Variants in PARP8 observed in about 807,000 individuals in gnomAD.
PARP8 encodes the protein poly(ADP-ribose) polymerase family member 8.
Under a neutral mutation model 124.1 loss-of-function variants are expected in PARP8, and 51 were observed. The observed-to-expected ratio is 0.41, with a 90% CI of 0.33 to 0.52. The LOEUF (loss-of-function observed/expected upper bound fraction) is 0.52, where lower values mean the gene tolerates loss of function less well. PARP8 is among the 20% of genes least tolerant of loss of function. The pLI is 0.21. For missense variants in PARP8, 860 were observed against 1,018.9 expected (o/e 0.84, Z 2.12); for synonymous variants, 391 against 361.5 (o/e 1.08, Z -0.93).
At chr5:50,833,865 CTT>C (rs76422748) in intron 23 of PARP8, 112 bp from the exon 24 acceptor site, 645 of 603,872 alleles carry the variant, frequency 1.1e-3, no homozygotes, top group Middle Eastern at 1.4e-3. Context: ...TCTAGATAGG[CTT>C]TTTTTTTTTG....
chr5:50,760,022 G>C (rs548494026), intron 4 of PARP8, among the ~76,000 whole-genome samples: 2 of 152,220 alleles, frequency 1.3e-5, no homozygotes, highest in South Asian at 4.1e-4. Context: ...CACACTTACA[G>C]CAATGAAGAC....
chr5:50,712,451 T>C (rs1259363547), intron 2 of PARP8, among the ~76,000 whole-genome samples: 1 of 152,178 alleles, frequency 6.6e-6, no homozygotes, highest in African/African-American at 2.4e-5. Flanking sequence ...CAACTTCATA[T>C]TGTTTTTGTG....
intron 2 of PARP8, among the ~76,000 whole-genome samples, chr5:50,733,108 T>C (rs1257868101): frequency 6.6e-6 from 1 of 151,466 alleles, no homozygotes; most frequent in Non-Finnish European, 1.5e-5. Context: ...TTGAGAACAG[T>C]CTGGCCAACA....
chr5:50,775,425 C>T (rs372567859), intron 7 of PARP8, among the ~76,000 whole-genome samples: 5 of 152,044 alleles, frequency 3.3e-5, no homozygotes, highest in East Asian at 1.9e-4. Flanking sequence ...CGTGGCGGCG[C>T]GTGCCTGTGA....
At chr5:50,747,154 G>GTTTTTTTTTTTTTTTTTT in intron 2 of PARP8, among the ~76,000 whole-genome samples, 1 of 121,918 alleles carries the variant, frequency 8.2e-6, no homozygotes, top group Non-Finnish European at 1.6e-5. Context: ...TTTTTTGTTT[G>GTTTTTTTTTTTTTTTTTT]TTTGTTTTGT....
intron 2 of PARP8, among the ~76,000 whole-genome samples, chr5:50,698,562 G>A (rs1463982534): frequency 3.3e-5 from 5 of 151,982 alleles, no homozygotes; most frequent in African/African-American, 9.7e-5. Context: ...AATCTCAGTG[G>A]AAATAGGATG....
At chr5:50,781,412 A>T (rs2149616731) in intron 9 of PARP8, among the ~76,000 whole-genome samples, 1 of 152,238 alleles carries the variant, frequency 6.6e-6, no homozygotes, top group East Asian at 1.9e-4. Flanking sequence ...GCAAGAGTTG[A>T]AATTGTTCTT....
At chr5:50,770,541 G>A (rs1761500091) in intron 7 of PARP8, among the ~76,000 whole-genome samples, 1 of 149,862 alleles carries the variant, frequency 6.7e-6, no homozygotes, top group African/African-American at 2.5e-5. Context: ...AAGAGAGAAA[G>A]AGAGAGAGAG....
chr5:50,830,681 C>A (rs1746858936), intron 22 of PARP8, among the ~76,000 whole-genome samples: 1 of 152,154 alleles, frequency 6.6e-6, no homozygotes, highest in Non-Finnish European at 1.5e-5. Flanking sequence ...TCAAGCTACA[C>A]AGAATTTTTG....
At chr5:50,813,225 C>A (rs32398) in intron 14 of PARP8, among the ~76,000 whole-genome samples, 1 of 152,036 alleles carries the variant, frequency 6.6e-6, no homozygotes, top group East Asian at 1.9e-4. Flanking sequence ...CTATCCATGA[C>A]CATGGAATAT....
chr5:50,726,218 A>T (rs562842206), intron 2 of PARP8, among the ~76,000 whole-genome samples: 1 of 151,978 alleles, frequency 6.6e-6, no homozygotes, highest in African/African-American at 2.4e-5. Flanking sequence ...CTTTGGGAGC[A>T]TTTCTAAACT....
chr5:50,741,550 T>A (rs917321646), intron 2 of PARP8, among the ~76,000 whole-genome samples: 5 of 152,190 alleles, frequency 3.3e-5, no homozygotes, highest in African/African-American at 1.2e-4. Context: ...TAACTTACAG[T>A]GTAATATTTA....
chr5:50,770,343 T>C (rs912055133), intron 7 of PARP8, among the ~76,000 whole-genome samples: 1 of 152,196 alleles, frequency 6.6e-6, no homozygotes, highest in African/African-American at 2.4e-5. Context: ...TACTTGAACA[T>C]CATTCATCAT....
In PARP8 at chr5:50,675,140, A is replaced by T. The variant is rs926780471; in HGVS notation, c.146+7015A>T. Among the ~76,000 whole-genome samples the T allele has an allele frequency of 1.7e-4, 26 of 152,224 alleles. 1 individual carries two copies. The highest frequency in any genetic ancestry group is 1.5e-3 in the Admixed American group (23 of 15,280). On this transcript the variant is annotated intron_variant, in intron 2 of 25. Coordinates refer to ENST00000281631, the MANE Select transcript of PARP8 (RefSeq NM_024615.4). The stretch of plus-strand genomic sequence containing the variant: ...GAGACATCTATTGAAACCTTTGTGC[A>T]GTCAGGTCAAGTTTCTGTGTACAAA...
chr5:50,768,854 T>C (rs954595024), intron 7 of PARP8, among the ~76,000 whole-genome samples: 5 of 152,114 alleles, frequency 3.3e-5, no homozygotes, highest in Non-Finnish European at 5.9e-5. Flanking sequence ...ATTACTGGCA[T>C]TATATAAAAA....
chr5:50,705,515 C>T lies in PARP8; in HGVS notation c.146+37390C>T, dbSNP rs549199679. The stretch of plus-strand genomic sequence containing the variant: ...TTAAAAGGAATTGATGGGGCCAGTG[C>T]GGTGGCTCACACCTGTAATCCCACT... On this transcript the variant is annotated intron_variant, in intron 2 of 25. Coordinates refer to ENST00000281631, the MANE Select transcript of PARP8 (RefSeq NM_024615.4). Among the ~76,000 whole-genome samples, 18 of 152,186 alleles carry T rather than the reference C, an allele frequency of 1.2e-4. No homozygotes were observed. In the South Asian group the frequency reaches 1.7e-3, roughly 14 times the overall value.
chr5:50,667,056 G>T lies in PARP8; in HGVS notation c.-40G>T. On this transcript the variant is annotated 5_prime_UTR_variant, in exon 1 of 26. Transcript: ENST00000281631. Reference sequence around the variant, plus strand: ...GAAGCGTGCGAGGGGGGTGGGGTGGGGTGGAAATAGCGGCTGCTTCTTTTC... The same window carrying T: ...GAAGCGTGCGAGGGGGGTGGGGTGGTGTGGAAATAGCGGCTGCTTCTTTTC... 5.6e-6 allele frequency: 9 copies of T among 1,596,096 alleles called. No individual in the cohort carries two copies. The highest frequency in any genetic ancestry group is 7.6e-6 in the Non-Finnish European group (9 of 1,179,598).
intron 7 of PARP8, among the ~76,000 whole-genome samples, chr5:50,772,761 A>T (rs1424088053): frequency 6.6e-6 from 1 of 152,130 alleles, no homozygotes; most frequent in African/African-American, 2.4e-5. Flanking sequence ...CAGTAGTGCC[A>T]TCTTGGCTCA....
At chr5:50,702,385 G>T (rs1226650135) in intron 2 of PARP8, among the ~76,000 whole-genome samples, 1 of 152,044 alleles carries the variant, frequency 6.6e-6, no homozygotes, top group African/African-American at 2.4e-5. Flanking sequence ...TGTTTTATAG[G>T]TGACCTCTAG....
Sources: allele counts gnomAD v4.1 joint callset (sites outside exome capture counted in the v4.1 genomes callset), GRCh38; gene constraint gnomAD v4.1.1; transcripts MANE v1.5; gene names NCBI Gene and HGNC (gene_info 2026-07-23, HGNC 2026-07-21).